The following ANK2 variants were observed in gnomAD, a reference collection of about 807,000 sequenced individuals.
The protein encoded by ANK2 is ankyrin-2.
ANK2 carries 83 observed loss-of-function variants against 360.5 expected under a neutral mutation model. That is an observed-to-expected ratio of 0.23 (90% confidence interval 0.19 to 0.28). The LOEUF (loss-of-function observed/expected upper bound fraction) is 0.28. ANK2 is among the 10% of genes least tolerant of loss of function. The pLI is 1.00. For synonymous variants in ANK2, 1,740 were observed against 1,759.5 expected, an observed-to-expected ratio of 0.99 and a Z score of 0.28; for missense variants, 4,201 against 4,795.7, an observed-to-expected ratio of 0.88 and a Z score of 3.66.
intron 43 of ANK2, among the ~76,000 whole-genome samples, chr4:113,372,164 C>T (rs1011286787): frequency 9.2e-5 from 14 of 152,102 alleles, no homozygotes; most frequent in Admixed American, 8.5e-4. Context: ...GTCAGTGGCT[C>T]ATAAGTGTTT....
chr4:113,249,336 A>G (rs1432740701), intron 9 of ANK2, among the ~76,000 whole-genome samples: 5 of 152,254 alleles, frequency 3.3e-5, no homozygotes, highest in Admixed American at 6.5e-5. Context: ...GTAAAAGTAT[A>G]TTAGAACAAA....
chr4:113,241,678 A>T (rs913388008), intron 8 of ANK2, among the ~76,000 whole-genome samples: 2 of 152,172 alleles, frequency 1.3e-5, no homozygotes, highest in African/African-American at 4.8e-5. Context: ...TATATTGGAT[A>T]TTAATACCCA....
upstream of ANK2, among the ~76,000 whole-genome samples, chr4:113,045,503 T>A (rs974500658): frequency 3.3e-5 from 5 of 152,238 alleles, no homozygotes; most frequent in African/African-American, 1.2e-4. Context: ...CCAAACCCAC[T>A]TTTTATTTCA....
intron 2 of ANK2, among the ~76,000 whole-genome samples, chr4:112,970,064 A>G (rs1582202857): frequency 6.6e-6 from 1 of 151,952 alleles, no homozygotes; most frequent in Non-Finnish European, 1.5e-5. Context: ...GCTCACTGCA[A>G]CCGCCGCCTC....
At chr4:112,769,309 G>A in the ANK2 span, among the ~76,000 whole-genome samples, 4 of 152,210 alleles carry the variant, frequency 2.6e-5, no homozygotes, top group African/African-American at 9.6e-5. Flanking sequence ...AAGTTTGCCA[G>A]TGTCACACTG....
At chr4:112,775,323 A>G in the ANK2 span, among the ~76,000 whole-genome samples, 3 of 152,138 alleles carry the variant, frequency 2.0e-5, no homozygotes, top group Non-Finnish European at 4.4e-5. Flanking sequence ...GTTCGAGACC[A>G]GCCTGGCCAA....
At chr4:113,207,486 A>G (rs1031650082) in intron 4 of ANK2, among the ~76,000 whole-genome samples, 3 of 152,194 alleles carry the variant, frequency 2.0e-5, no homozygotes, top group Non-Finnish European at 4.4e-5. Flanking sequence ...ATTTTACATA[A>G]GAGTTACTTC....
rs117905828 is a variant in ANK2 at position 113,010,264 on chromosome 4, T to C, written c.21+105750T>C. On this transcript the variant is annotated intron_variant, in intron 2 of 30. Transcript: ENST00000503271. ...ATCACTATCCACTTAAAAATTGTTC[T>C]CTCTACTACAAAACCAATATATTTC... is the stretch of plus-strand genomic sequence containing the variant. 1.2e-3 allele frequency among the ~76,000 whole-genome samples: 183 copies of C among 152,234 alleles called. 2 individuals carry two copies. The East Asian group carries it at 0.033, about 27-fold the overall frequency.
the ANK2 span, among the ~76,000 whole-genome samples, chr4:112,811,740 A>G: frequency 6.6e-6 from 1 of 152,190 alleles, no homozygotes; most frequent in South Asian, 2.1e-4. Context: ...TGCTTTCATT[A>G]ACTAAGATTC....
intron 2 of ANK2, among the ~76,000 whole-genome samples, chr4:112,915,265 A>G (rs2089348192): frequency 6.6e-6 from 1 of 152,170 alleles, no homozygotes. Context: ...AGCTCAGCAA[A>G]TGTACTGGGA....
intron 1 of ANK2, among the ~76,000 whole-genome samples, chr4:112,903,793 G>A (rs2084264208): frequency 6.6e-6 from 1 of 152,198 alleles, no homozygotes; most frequent in African/African-American, 2.4e-5. Flanking sequence ...TGTGATGCAT[G>A]TATCCTGGCT....
intron 1 of ANK2, among the ~76,000 whole-genome samples, chr4:112,849,581 T>C (rs1050628297): frequency 1.3e-5 from 2 of 152,220 alleles, no homozygotes; most frequent in African/African-American, 4.8e-5. Flanking sequence ...TAGTTTATAG[T>C]TCTTAAAGAA....
intron 45 of ANK2, chr4:113,374,719 A>G (rs1186558455): frequency 3.0e-6 from 3 of 1,000,468 alleles, no homozygotes; most frequent in Non-Finnish European, 3.6e-6. Context: ...TCATAGTTAC[A>G]TTTGGCAATC....
chr4:112,783,941 G>T, the ANK2 span, among the ~76,000 whole-genome samples: 3 of 151,876 alleles, frequency 2.0e-5, no homozygotes, highest in African/African-American at 7.3e-5. Context: ...GAGCCACCGC[G>T]CCTGGCTTAT....
chr4:113,025,342 T>A (rs1424539097), intron 2 of ANK2, among the ~76,000 whole-genome samples: 1 of 152,138 alleles, frequency 6.6e-6, no homozygotes, highest in Non-Finnish European at 1.5e-5. Flanking sequence ...GAAGAAAGGT[T>A]GTATATGTGG....
intron 1 of ANK2, 89 bp from the exon 2 acceptor site, chr4:113,174,326 TG>T: frequency 9.1e-7 from 1 of 1,101,742 alleles, no homozygotes; most frequent in Non-Finnish European, 1.3e-6. Context: ...AAAGCTTTTC[TG>T]ACTTCAGTGT....
chr4:113,355,488 A>T lies in ANK2; in HGVS notation c.6870A>T (p.Glu2290Asp), dbSNP rs1286919756. The T allele has an allele frequency of 6.2e-7, 1 of 1,614,088 alleles. No individual in the cohort carries two copies. Residue 2290 changes from glutamate (E) to aspartate (D), a missense_variant, in exon 38 of 46, where the codon GAA becomes GAT. This residue lies in a region of ANK2 where 2,642 missense variants were observed against 2,714.5 expected (regional missense o/e 0.97). Transcript: ENST00000357077. ...PTTKDITGGS[E>D]ERGATVTEDS... ...CCAAAGACATTACTGGTGGCTCTGAAGAGCGAGGTGCCACAGTCACTGAGG... is the reference window on the plus strand; with the variant it reads ...CCAAAGACATTACTGGTGGCTCTGATGAGCGAGGTGCCACAGTCACTGAGG...
chr4:113,024,077 C>T (rs139192341), intron 2 of ANK2, among the ~76,000 whole-genome samples: 7 of 152,072 alleles, frequency 4.6e-5, no homozygotes, highest in African/African-American at 1.7e-4. Context: ...AGTAATGTTA[C>T]GCATATTCTA....
At chr4:112,718,088 C>T in the ANK2 span, among the ~76,000 whole-genome samples, 2 of 152,204 alleles carry the variant, frequency 1.3e-5, no homozygotes, top group Non-Finnish European at 2.9e-5. Context: ...CTTCCTGTTT[C>T]AGCAGAAGAA....
Sources: gnomAD v4.1 joint callset for allele counts (sites outside exome capture counted in the v4.1 genomes callset) on GRCh38, gnomAD v4.1.1 for gene constraint, gnomAD v4.1.1 regional missense constraint, MANE v1.5 for transcripts, NCBI Gene and HGNC (gene_info 2026-07-23, HGNC 2026-07-21) for gene names.